Variants in MTMR10 observed in about 807,000 individuals in gnomAD.
MTMR10 encodes myotubularin-related protein 10.
A neutral mutation model predicts 88.1 loss-of-function variants in MTMR10; 56 were observed. That is an observed-to-expected ratio of 0.64 (90% CI 0.51 to 0.79). MTMR10 has a LOEUF of 0.79. MTMR10 is among the 30% of genes least tolerant of loss of function. The pLI is 0.00. For missense variants in MTMR10, 883 were observed against 924.7 expected, an observed-to-expected ratio of 0.95 and a Z score of 0.58; for synonymous variants, 380 against 340.9, an observed-to-expected ratio of 1.11 and a Z score of -1.26.
intron 9 of MTMR10, 26 bp downstream of exon 9, chr15:30,958,837 A>C (rs1459301359): frequency 6.2e-7 from 1 of 1,607,366 alleles, no homozygotes; most frequent in South Asian, 1.1e-5. Context: ...AACTATCTAA[A>C]GTGACAATGA....
At chr15:30,964,803 A>AC (rs2141030657) in intron 6 of MTMR10, among the ~76,000 whole-genome samples, 1 of 152,286 alleles carries the variant, frequency 6.6e-6, no homozygotes, top group East Asian at 1.9e-4. Context: ...TATGCTCCTG[A>AC]CCTTGGCTAT....
Position 30,942,935 on chromosome 15 carries a change from T to A in MTMR10, c.1686A>T (p.Thr562=). 3 of 1,567,442 alleles carry A rather than the reference T, an allele frequency of 1.9e-6. No individual in the cohort carries two copies. The highest frequency in any genetic ancestry group is 2.6e-6 in the Non-Finnish European group (3 of 1,153,788). ...FHNPFYIGKS[T]PCIQNGSVKS... is the part of the protein sequence containing the mutation. ...TCACGGAGCCATTCTGTATACAAGG[T>A]GTGCTCTTTCCAATGTAGAAGGGGT... The change falls in exon 15 of 16, where the codon ACA becomes ACT. Residue 562 remains threonine, a synonymous_variant. Transcript: ENST00000435680.
chr15:30,974,177 T>G, intron 5 of MTMR10, 137 bp downstream of exon 5: 1 of 839,228 alleles, frequency 1.2e-6, no homozygotes, highest in East Asian at 3.3e-5. Flanking sequence ...TTCTTGGCTT[T>G]GACTTTACTT....
At position 30,958,873 on chromosome 15, in the gene MTMR10, T is replaced by C; in HGVS notation, c.925A>G (p.Ile309Val). 1 of 1,613,878 alleles carries C rather than the reference T, an allele frequency of 6.2e-7. No homozygotes were observed. Among genetic ancestry groups the C allele is most frequent in the Non-Finnish European group, 8.5e-7 (1 of 1,179,762 alleles). Residue 309 changes from isoleucine (I) to valine (V), a missense_variant, in exon 9 of 16, where the codon ATT (isoleucine) becomes GTT (valine). This residue lies in a region of MTMR10 where 414 missense variants were observed against 423.2 expected (regional missense o/e 0.98). Transcript: ENST00000435680. ...CCATTTCTCAATTACCTCTGGTCAATCTTCCTCTGCTGCAGCACGTCTTTG... is the reference window on the plus strand; with the variant it reads ...CCATTTCTCAATTACCTCTGGTCAACCTTCCTCTGCTGCAGCACGTCTTTG... ...LIKDVLQQRK[I>V]DQRICNAITK...
chr15:30,922,422 C>T, the MTMR10 span: 1 of 1,438,462 alleles, frequency 7.0e-7, no homozygotes, highest in African/African-American at 1.4e-5. Context: ...ATATGGCAAA[C>T]TTAATGCCTT....
intron 15 of MTMR10, chr15:30,942,475 A>G (rs763947541): frequency 1.2e-5 from 3 of 260,012 alleles, no homozygotes; most frequent in Non-Finnish European, 2.2e-5. Context: ...CAAATTTTCT[A>G]CCAAAAAAAA....
At chr15:30,931,589 C>T in the MTMR10 span, among the ~76,000 whole-genome samples, 600 of 152,232 alleles carry the variant, frequency 3.9e-3, 5 homozygotes, top group African/African-American at 0.012. Context: ...TCATTTGAGA[C>T]GCCATTTGTA....
chr15:30,974,931 C>T lies in MTMR10; in HGVS notation c.331G>A (p.Val111Ile). ...PLTCIEQIVT[V>I]NDHKRKQKVL... ...AGAGTATGTACGGAATACTACGTAC[C>T]TGTGACAATTTGCTCAATACATGTT... Residue 111 changes from valine (V) to isoleucine (I), a missense_variant and splice_region_variant, in exon 4 of 16, where the codon GTA (valine) becomes ATA (isoleucine). This residue lies in a region of MTMR10 where 414 missense variants were observed against 423.2 expected (regional missense o/e 0.98). Transcript: ENST00000435680. 6.4e-7 allele frequency: 1 copy of T among 1,550,772 alleles called. No individual in the cohort carries two copies. Among genetic ancestry groups the T allele is most frequent in the Non-Finnish European group, 8.8e-7 (1 of 1,140,846 alleles).
intron 6 of MTMR10, among the ~76,000 whole-genome samples, chr15:30,963,585 C>T (rs968655473): frequency 9.9e-5 from 15 of 152,036 alleles, no homozygotes; most frequent in African/African-American, 3.1e-4. Context: ...TGCAGTGAGC[C>T]GAGATCGTAC....
intron 4 of MTMR10, among the ~76,000 whole-genome samples, chr15:30,974,698 T>C (rs2029982144): frequency 6.6e-6 from 1 of 152,094 alleles, no homozygotes; most frequent in Non-Finnish European, 1.5e-5. Flanking sequence ...TGATTAATTT[T>C]AATTAAAAAG....
chr15:30,926,376 C>T, the MTMR10 span: 573 of 160,992 alleles, frequency 3.6e-3, 1 homozygote, highest in Middle Eastern at 0.022. Context: ...CTGAGCCTTC[C>T]GCCCTTGGGC....
At chr15:30,928,360 A>G in the MTMR10 span, 2 of 1,397,702 alleles carry the variant, frequency 1.4e-6, no homozygotes, top group Non-Finnish European at 1.8e-6. Context: ...AAGGCTCTGT[A>G]TATAAACAAC....
chr15:30,955,034 A>T (rs1300887633), intron 9 of MTMR10, 141 bp from the exon 10 acceptor site: 4 of 613,632 alleles, frequency 6.5e-6, no homozygotes, highest in Admixed American at 4.1e-5. Context: ...TTTTTTTTTT[A>T]AGACAGAACC....
chr15:30,959,557 T>A (rs1349205306), intron 7 of MTMR10, among the ~76,000 whole-genome samples: 1 of 152,174 alleles, frequency 6.6e-6, no homozygotes, highest in Non-Finnish European at 1.5e-5. Context: ...ACAGTCAGAC[T>A]CTAGGACACT....
chr15:30,927,204 G>A, the MTMR10 span: 2 of 977,212 alleles, frequency 2.0e-6, no homozygotes, highest in Non-Finnish European at 2.4e-6. Context: ...GTGAGACCCT[G>A]TCTCAAAACA....
At chr15:30,966,279 G>C (rs1055963269) in intron 6 of MTMR10, among the ~76,000 whole-genome samples, 17 of 152,154 alleles carry the variant, frequency 1.1e-4, no homozygotes, top group African/African-American at 4.1e-4. Flanking sequence ...AAGACCTATG[G>C]GTGGATAAAC....
chr15:30,932,221 C>CAA, the MTMR10 span, among the ~76,000 whole-genome samples: 3,806 of 49,246 alleles, frequency 0.077, 163 homozygotes, highest in East Asian at 0.16. Flanking sequence ...GACTCCATCT[C>CAA]AAAAAAAAAA....
Position 30,961,221 on chromosome 15 carries a change from T to G in MTMR10, c.566-148A>C. 3 of 1,162,222 alleles carry G rather than the reference T, an allele frequency of 2.6e-6. No homozygotes were observed. In the South Asian group the frequency reaches 6.3e-5, roughly 25 times the overall value. 72.0% of individuals were successfully genotyped at this position (1,162,222 alleles called of 1,614,324 possible). A position where few individuals can be genotyped will look rare whatever the true frequency, so the allele number is the denominator to read the frequency against. On this transcript the variant is annotated intron_variant, in intron 6 of 15. Transcript: ENST00000435680. The stretch of plus-strand genomic sequence containing the variant: ...GTCTCTCCGAGAACTGTCTTGCCCT[T>G]TCCATTTAAAAATAACTCCTTTTTT...
the MTMR10 span, among the ~76,000 whole-genome samples, chr15:30,933,038 T>G: frequency 6.6e-6 from 1 of 152,136 alleles, no homozygotes; most frequent in African/African-American, 2.4e-5. Flanking sequence ...CTTACTGTAT[T>G]TTAATATCTG....
Sources: allele counts gnomAD v4.1 joint callset (sites outside exome capture counted in the v4.1 genomes callset), GRCh38; gene constraint gnomAD v4.1.1; regional missense constraint gnomAD v4.1.1; transcripts MANE v1.5; gene names NCBI Gene and HGNC (gene_info 2026-07-23, HGNC 2026-07-21).